The following ADGRV1 variants were observed in gnomAD, a reference collection of about 807,000 sequenced individuals.
ADGRV1 encodes G-protein coupled receptor 98.
ADGRV1 carries 359 observed loss-of-function variants against 596.2 expected under a neutral mutation model. The ratio of observed to expected loss-of-function variants is 0.60; its 90% confidence interval spans 0.55 to 0.66. The LOEUF (loss-of-function observed/expected upper bound fraction) is 0.66. Ranked by LOEUF, ADGRV1 falls within the 30% of genes least tolerant of loss-of-function variation. The pLI, the probability that ADGRV1 is intolerant of heterozygous loss-of-function variation, is 0.00. For synonymous variants in ADGRV1, 2,681 were observed against 2,679.2 expected, an observed-to-expected ratio of 1.00 and a Z score of -0.02; for missense variants, 7,274 against 7,575.6, an observed-to-expected ratio of 0.96 and a Z score of 1.48.
chr5:91,088,364 T>C (rs1416999902), intron 86 of ADGRV1, among the ~76,000 whole-genome samples: 1 of 152,056 alleles, frequency 6.6e-6, no homozygotes, highest in East Asian at 1.9e-4. Flanking sequence ...TTTGCTACCA[T>C]GAAAAAAAAT....
chr5:90,964,399 ACAGT>A (rs1271119087), intron 83 of ADGRV1, among the ~76,000 whole-genome samples: 2 of 152,144 alleles, frequency 1.3e-5, no homozygotes, highest in East Asian at 1.9e-4. Context: ...CTCTGAAAAT[ACAGT>A]CAAAAAGTTG....
chr5:91,030,976 G>A (rs758285004), intron 85 of ADGRV1: 37 of 1,289,506 alleles, frequency 2.9e-5, no homozygotes, highest in Non-Finnish European at 3.5e-5. Flanking sequence ...AAAAAACGTC[G>A]ACTGATTTTA....
At chr5:91,084,213 T>A (rs747492875) in intron 86 of ADGRV1, among the ~76,000 whole-genome samples, 49 of 152,118 alleles carry the variant, frequency 3.2e-4, no homozygotes, top group Non-Finnish European at 5.3e-4. Flanking sequence ...AGATTGGAAC[T>A]GTTAAGGATA....
At chr5:90,974,309 A>G (rs1472401076) in intron 84 of ADGRV1, among the ~76,000 whole-genome samples, 1 of 152,176 alleles carries the variant, frequency 6.6e-6, no homozygotes, top group African/African-American at 2.4e-5. Context: ...CATCCCCATC[A>G]AGCTACCAAT....
At chr5:91,011,335 C>T (rs7726848) in intron 85 of ADGRV1, among the ~76,000 whole-genome samples, 90,655 of 151,588 alleles carry the variant, frequency 0.6, 27,726 homozygotes, top group African/African-American at 0.72. Flanking sequence ...CTTTTATAGT[C>T]AAGAACATAT....
chr5:91,074,343 G>GT (rs1788658765), intron 86 of ADGRV1, among the ~76,000 whole-genome samples: 1 of 152,074 alleles, frequency 6.6e-6, no homozygotes. Context: ...CTACCCTCAA[G>GT]TAGGCCCCAG....
intron 85 of ADGRV1, among the ~76,000 whole-genome samples, chr5:91,049,483 C>T (rs1786124034): frequency 6.6e-6 from 1 of 152,306 alleles, no homozygotes; most frequent in Admixed American, 6.5e-5. Context: ...CTACTTGGAA[C>T]AAGTTAGCCC....
intron 84 of ADGRV1, among the ~76,000 whole-genome samples, chr5:90,974,470 C>G (rs1197211283): frequency 1.3e-5 from 2 of 152,136 alleles, no homozygotes; most frequent in Non-Finnish European, 2.9e-5. Context: ...CTACATTAAC[C>G]AAAACAGCAT....
At position 90,755,189 on chromosome 5, in the gene ADGRV1, A is replaced by G; in HGVS notation, c.11580+4A>G. 1 of 1,589,386 alleles carries G rather than the reference A, an allele frequency of 6.3e-7. No homozygotes were observed. Among genetic ancestry groups the G allele is most frequent in the Non-Finnish European group, 8.5e-7 (1 of 1,171,268 alleles). ...TGCCGAAGTTTCCATTTTGCCGGTA[A>G]GTCAAGGCTGCAAAGAATGTGATCT... On this transcript the variant is annotated splice_donor_region_variant and intron_variant, in intron 55 of 89. Coordinates refer to ENST00000405460, the MANE Select transcript of ADGRV1 (RefSeq NM_032119.4).
intron 89 of ADGRV1, among the ~76,000 whole-genome samples, chr5:91,160,407 A>G (rs1796844708): frequency 6.6e-6 from 1 of 152,138 alleles, no homozygotes; most frequent in African/African-American, 2.4e-5. Flanking sequence ...TCTTTGGATC[A>G]TTGTCACATT....
At chr5:90,961,764 C>T (rs1261887684) in intron 83 of ADGRV1, among the ~76,000 whole-genome samples, 1 of 152,090 alleles carries the variant, frequency 6.6e-6, no homozygotes, top group African/African-American at 2.4e-5. Context: ...TCAGAATAAG[C>T]AGAGAATTTT....
rs756649604 is a variant in ADGRV1, at chr5:90,725,197, G to A, written c.10018G>A (p.Val3340Met). ...TGAAGAAAAGCCTTCTCTTAACAGTGTGTTTACATTCACATCTGGATTTAA... is the reference window on the plus strand; with the variant it reads ...TGAAGAAAAGCCTTCTCTTAACAGTATGTTTACATTCACATCTGGATTTAA... ...RNEEKPSLNS[V>M]FTFTSGFKLF... The change falls in exon 47 of 90, where the codon GTG (valine) becomes ATG (methionine). Residue 3340 changes from valine (V) to methionine (M), a missense_variant. Val to Met is a conservative substitution (Grantham distance 21, BLOSUM62 1). Around this residue, in one of 5 missense-constraint regions of ADGRV1, gnomAD observed 3,643 missense variants for 3,809.2 expected, o/e 0.96. Transcript: ENST00000405460. The A allele has an allele frequency of 1.2e-5, 18 of 1,524,676 alleles. No homozygotes were observed. In the South Asian group the frequency reaches 2.0e-4, roughly 17 times the overall value. The allele number at this position is 1,524,676 out of a possible 1,614,324, so 94.4% of individuals were successfully genotyped here.
At position 90,564,856 on chromosome 5, in the gene ADGRV1, G is replaced by A. The variant is rs1161593474; in HGVS notation, c.22+5939G>A. Among the ~76,000 whole-genome samples, 3 of 27,532 alleles carry A rather than the reference G, an allele frequency of 1.1e-4. 1 individual carries two copies. Among genetic ancestry groups the A allele is most frequent in the Non-Finnish European group, 2.1e-4 (3 of 14,030 alleles). The allele number at this position is 27,532 out of a possible 152,430, so 18.1% of individuals were successfully genotyped here. The stretch of plus-strand genomic sequence containing the variant: ...TTAGCCAGGATGGTCTCGATCTCCT[G>A]ACCTCGTGATCCGCCCGCCTCGGCC... On this transcript the variant is annotated intron_variant, in intron 1 of 89. Transcript: ENST00000405460.
At chr5:90,734,822 T>G (rs1218343334) in intron 50 of ADGRV1, among the ~76,000 whole-genome samples, 1 of 152,170 alleles carries the variant, frequency 6.6e-6, no homozygotes, top group African/African-American at 2.4e-5. Context: ...CCTCCCAAAG[T>G]GCTGGGATTA....
intron 50 of ADGRV1, among the ~76,000 whole-genome samples, chr5:90,732,588 G>T (rs2460177): frequency 6.6e-6 from 1 of 152,002 alleles, no homozygotes; most frequent in African/African-American, 2.4e-5. Flanking sequence ...AAAGTTGGTA[G>T]TCTTTAATCA....
At chr5:90,763,216 T>C in intron 58 of ADGRV1, 89 bp from the exon 59 acceptor site, 6 of 1,121,420 alleles carry the variant, frequency 5.4e-6, no homozygotes, top group Non-Finnish European at 7.1e-6. Flanking sequence ...AAAACTGCAG[T>C]CATTGTAAAC....
intron 83 of ADGRV1, among the ~76,000 whole-genome samples, chr5:90,886,956 A>G (rs1039564715): frequency 1.3e-5 from 2 of 152,170 alleles, no homozygotes; most frequent in African/African-American, 2.4e-5. Flanking sequence ...CTTATGTGAC[A>G]ACTGAAATAG....
chr5:90,860,316 T>C (rs1407600843), intron 82 of ADGRV1, among the ~76,000 whole-genome samples: 1 of 152,064 alleles, frequency 6.6e-6, no homozygotes, highest in Admixed American at 6.6e-5. Context: ...CTTTTTTTTT[T>C]TGAGACGGAG....
At chr5:91,069,781 G>A (rs571355376) in intron 85 of ADGRV1, among the ~76,000 whole-genome samples, 134 of 152,026 alleles carry the variant, frequency 8.8e-4, no homozygotes, top group African/African-American at 3.1e-3. Context: ...AAAATAAATC[G>A]TTCTATCAAA....
Sources: gnomAD v4.1 joint callset for allele counts (sites outside exome capture counted in the v4.1 genomes callset) on GRCh38, gnomAD v4.1.1 for gene constraint, gnomAD v4.1.1 regional missense constraint, MANE v1.5 for transcripts, NCBI Gene and HGNC (gene_info 2026-07-23, HGNC 2026-07-21) for gene names.